The following PYHIN1 variants were observed in gnomAD, a reference collection of about 807,000 sequenced individuals.
PYHIN1 encodes pyrin and HIN domain-containing protein 1.
Under a neutral mutation model 43.7 loss-of-function variants are expected in PYHIN1, and 32 were observed. The ratio of observed to expected loss-of-function variants is 0.73; its 90% confidence interval spans 0.55 to 0.98. The LOEUF (loss-of-function observed/expected upper bound fraction) is 0.98. PYHIN1 is among the 50% of genes least tolerant of loss of function. The pLI, the probability that PYHIN1 is intolerant of heterozygous loss-of-function variation, is 0.00. For missense variants in PYHIN1, 588 were observed against 589.5 expected (o/e 1.00, Z 0.03); for synonymous variants, 205 against 203.1 (o/e 1.01, Z -0.08).
chr1:158,952,253 T>A (rs963659639), intron 7 of PYHIN1, among the ~76,000 whole-genome samples: 1 of 151,984 alleles, frequency 6.6e-6, no homozygotes, highest in East Asian at 1.9e-4. Flanking sequence ...GCAGGCTGAG[T>A]TCCTAGGAGC....
At chr1:158,976,568 G>A in intron 8 of PYHIN1, 133 bp from the exon 9 acceptor site, 3 of 610,482 alleles carry the variant, frequency 4.9e-6, no homozygotes, top group South Asian at 4.9e-5. Context: ...AGATGAGAAT[G>A]AGAAAAGAGT....
At chr1:158,957,533 G>A (rs1373512309) in intron 7 of PYHIN1, among the ~76,000 whole-genome samples, 1 of 150,844 alleles carries the variant, frequency 6.6e-6, no homozygotes, top group Non-Finnish European at 1.5e-5. Context: ...AAATGGTGCT[G>A]GGAAAACTGG....
chr1:158,932,818 G>C (rs1364276928), intron 1 of PYHIN1, among the ~76,000 whole-genome samples: 1 of 152,086 alleles, frequency 6.6e-6, no homozygotes, highest in Non-Finnish European at 1.5e-5. Context: ...GAAAGTTAAT[G>C]ATGTTTTATT....
At chr1:158,987,546 A>T in the PYHIN1 span, among the ~76,000 whole-genome samples, 2 of 152,140 alleles carry the variant, frequency 1.3e-5, no homozygotes, top group East Asian at 1.9e-4. Flanking sequence ...TTTAATTTTA[A>T]TAAAGTCCAA....
In PYHIN1 at chr1:158,933,212, C is replaced by T. The variant is rs1282482617; in HGVS notation, c.-21+1436C>T. Among the ~76,000 whole-genome samples the T allele has an allele frequency of 6.6e-6, 1 of 151,146 alleles. No individual in the cohort carries two copies. The highest frequency in any genetic ancestry group is 2.4e-5 in the African/African-American group (1 of 41,170). ...TGTATGTGATCATGCATACATGTTT[C>T]CAAACATAAACATACACATATAAAT... On this transcript the variant is annotated intron_variant, in intron 1 of 8. Coordinates refer to ENST00000368140, the MANE Select transcript of PYHIN1 (RefSeq NM_152501.5). The surrounding 1 kb of genome is among the most constrained non-coding windows in gnomAD (Gnocchi z 6.3).
chr1:158,970,690 A>G (rs1650882955), intron 7 of PYHIN1, among the ~76,000 whole-genome samples: 1 of 144,826 alleles, frequency 6.9e-6, no homozygotes, highest in South Asian at 2.3e-4. Flanking sequence ...AACTGGGTCA[A>G]CATAAAGCAT....
At position 158,936,965 on chromosome 1, in the gene PYHIN1, G is replaced by T. The variant is rs1337296157; in HGVS notation, c.55G>T (p.Asp19Tyr). The T allele has an allele frequency of 1.2e-6, 2 of 1,611,878 alleles. No homozygotes were observed. The highest frequency in any genetic ancestry group is 1.3e-5 in the African/African-American group (1 of 74,848). ...VLLKGLEVIN[D>Y]YHFRIVKSLL... ...ACTGAAAGGATTAGAGGTCATCAAT[G>T]ATTATCATTTTAGAATTGTTAAGTC... is the stretch of plus-strand genomic sequence containing the variant. The change falls in exon 2 of 9, where the codon GAT (aspartate) becomes TAT (tyrosine). Residue 19 changes from aspartate to tyrosine, a missense_variant. Asp to Tyr is a radical substitution (Grantham distance 160). Transcript: ENST00000368140.
Position 158,973,664 on chromosome 1 carries a change from A to G in PYHIN1, c.1377A>G (p.Pro459=). Residue 459 remains proline, a synonymous_variant, in exon 8 of 9, where the codon CCA becomes CCG. Transcript: ENST00000368140. ...SSFTKKDETH[P]GAQSSPANFR... is the part of the protein sequence containing the mutation. ...GACTCCAGAAGGATGAAACCCACCC[A>G]GGAGCACAGTCATCGCCTGCAAACT... The G allele has an allele frequency of 6.2e-7, 1 of 1,613,138 alleles. No homozygotes were observed. The highest frequency in any genetic ancestry group is 8.5e-7 in the Non-Finnish European group (1 of 1,179,386).
intron 7 of PYHIN1, among the ~76,000 whole-genome samples, chr1:158,962,647 C>G (rs978009541): frequency 2.0e-5 from 3 of 152,272 alleles, no homozygotes; most frequent in Non-Finnish European, 2.9e-5. Flanking sequence ...TAACTGCTCT[C>G]GAGCTGGGAA....
Position 158,936,954 on chromosome 1 carries a change from A to C in PYHIN1, c.44A>C (p.Glu15Ala), listed in dbSNP as rs1489770510. 6 of 1,610,628 alleles carry C rather than the reference A, an allele frequency of 3.7e-6. No homozygotes were observed. The highest frequency in any genetic ancestry group is 1.3e-5 in the African/African-American group (1 of 74,792). ...AAAATTGTTCTACTGAAAGGATTAGAGGTCATCAATGATTATCATTTTAGA... is the reference window on the plus strand; with the variant it reads ...AAAATTGTTCTACTGAAAGGATTAGCGGTCATCAATGATTATCATTTTAGA... ...YKKIVLLKGL[E>A]VINDYHFRIV... Residue 15 changes from glutamate to alanine, a missense_variant, in exon 2 of 9, where the codon GAG (glutamate) becomes GCG (alanine). Physicochemically the swap from Glu to Ala is moderately radical, Grantham distance 107 (BLOSUM62 -1). Transcript: ENST00000368140.
chr1:158,952,647 A>G (rs895839001), intron 7 of PYHIN1, among the ~76,000 whole-genome samples: 2 of 152,138 alleles, frequency 1.3e-5, no homozygotes, highest in African/African-American at 4.8e-5. Flanking sequence ...TCTGGTTGCA[A>G]TGAACCAGAG....
chr1:158,958,305 A>C (rs557523162), intron 7 of PYHIN1, among the ~76,000 whole-genome samples: 5 of 147,802 alleles, frequency 3.4e-5, no homozygotes, highest in African/African-American at 5.0e-5. Flanking sequence ...ACACATGCAC[A>C]CGTATGTTTA....
downstream of PYHIN1, among the ~76,000 whole-genome samples, chr1:158,980,937 A>G (rs117872703): frequency 8.5e-5 from 13 of 152,256 alleles, no homozygotes; most frequent in African/African-American, 3.1e-4. Context: ...TCAGGCGGGC[A>G]TCATGGTCCT....
downstream of PYHIN1, among the ~76,000 whole-genome samples, chr1:158,978,318 G>C (rs908765031): frequency 6.6e-6 from 1 of 151,416 alleles, no homozygotes; most frequent in African/African-American, 2.4e-5. Flanking sequence ...TGGTTCACTT[G>C]GGAAAATCAA....
At chr1:158,946,546 A>AC (rs1649228639) in intron 7 of PYHIN1, among the ~76,000 whole-genome samples, 4 of 127,698 alleles carry the variant, frequency 3.1e-5, no homozygotes, top group Admixed American at 1.6e-4. Context: ...TAGCACAGTG[A>AC]TTAGATAGAT....
At chr1:158,952,108 GTTTTTTTTTT>G (rs35079460) in intron 7 of PYHIN1, among the ~76,000 whole-genome samples, 1 of 118,156 alleles carries the variant, frequency 8.5e-6, no homozygotes, top group African/African-American at 3.1e-5. Flanking sequence ...GCCTGTGTCG[GTTTTTTTTTT>G]TTTTTTTTTT....
intron 4 of PYHIN1, 55 bp downstream of exon 4, chr1:158,939,302 A>G (rs1326801165): frequency 1.8e-5 from 28 of 1,582,644 alleles, no homozygotes; most frequent in Non-Finnish European, 2.3e-5. Flanking sequence ...AAATGTAGGA[A>G]TCTGATTTCA....
At chr1:158,987,332 AAAT>A in the PYHIN1 span, among the ~76,000 whole-genome samples, 5 of 152,212 alleles carry the variant, frequency 3.3e-5, no homozygotes, top group African/African-American at 1.2e-4. Context: ...GCATTTTCAA[AAAT>A]ACTTATTGGC....
chr1:158,944,285 G>A (rs1033843476), intron 6 of PYHIN1, among the ~76,000 whole-genome samples: 6 of 152,148 alleles, frequency 3.9e-5, no homozygotes, highest in Non-Finnish European at 5.9e-5. Context: ...GATAGGCTTG[G>A]TATATATCTT....
Sources: allele counts gnomAD v4.1 joint callset (sites outside exome capture counted in the v4.1 genomes callset), GRCh38; gene constraint gnomAD v4.1.1; non-coding constraint Gnocchi (gnomAD v3.1); transcripts MANE v1.5; gene names NCBI Gene and HGNC (gene_info 2026-07-23, HGNC 2026-07-21).